CTNNA2: variants seen among roughly 807,000 people sequenced by gnomAD.
The protein encoded by CTNNA2 is catenin alpha 2.
A neutral mutation model predicts 101.0 loss-of-function variants in CTNNA2; 42 were observed. The ratio of observed to expected loss-of-function variants is 0.42; its 90% confidence interval spans 0.32 to 0.54. The LOEUF is 0.54. CTNNA2 is among the 20% of genes least tolerant of loss of function. The pLI is 0.14. For synonymous variants in CTNNA2, 450 were observed against 456.4 expected (o/e 0.99, Z 0.18); for missense variants, 871 against 1,223.1 (o/e 0.71, Z 4.29).
chr2:79,511,190 C>A (rs1016501804), upstream of CTNNA2, among the ~76,000 whole-genome samples: 6 of 152,168 alleles, frequency 3.9e-5, no homozygotes, highest in Non-Finnish European at 8.8e-5. Flanking sequence ...CATTCAAATT[C>A]ATAGGTGTCT....
At chr2:79,847,172 A>G (rs902139159) in intron 3 of CTNNA2, among the ~76,000 whole-genome samples, 31 of 152,184 alleles carry the variant, frequency 2.0e-4, no homozygotes, top group Admixed American at 3.9e-4. Flanking sequence ...TCTACCCTAT[A>G]GAAGAGAAGA....
chr2:80,305,290 G>A, intron 7 of CTNNA2: 1 of 985,418 alleles, frequency 1.0e-6, no homozygotes, highest in South Asian at 4.7e-5. Context: ...AGCCATCCAA[G>A]TCCCGGTGGT....
intron 9 of CTNNA2, among the ~76,000 whole-genome samples, chr2:80,513,076 T>C (rs934540595): frequency 1.3e-5 from 2 of 152,214 alleles, no homozygotes; most frequent in Non-Finnish European, 2.9e-5. Flanking sequence ...CAAGTGCTCC[T>C]CTCTTGGTGT....
intron 8 of CTNNA2, among the ~76,000 whole-genome samples, chr2:80,395,216 C>T (rs1402837841): frequency 2.0e-5 from 3 of 152,158 alleles, no homozygotes; most frequent in Non-Finnish European, 2.9e-5. Flanking sequence ...TGTAAGATGG[C>T]AGTGGAAGGA....
At chr2:79,891,366 T>C (rs1684292931) in intron 6 of CTNNA2, among the ~76,000 whole-genome samples, 1 of 152,186 alleles carries the variant, frequency 6.6e-6, no homozygotes. Flanking sequence ...CTAATTAATT[T>C]GAATATATAT....
intron 3 of CTNNA2, among the ~76,000 whole-genome samples, chr2:79,352,214 A>G (rs1558641211): frequency 6.7e-6 from 1 of 148,750 alleles, no homozygotes; most frequent in East Asian, 2.0e-4. Flanking sequence ...TGCTTGTATA[A>G]TTTTTTTTTT....
At chr2:79,733,846 A>G (rs1467454727) in intron 2 of CTNNA2, among the ~76,000 whole-genome samples, 2 of 152,110 alleles carry the variant, frequency 1.3e-5, no homozygotes, top group Non-Finnish European at 2.9e-5. Context: ...GAAAATGTCA[A>G]ACCTCGTGTT....
chr2:79,368,229 A>G (rs898031011), intron 3 of CTNNA2, among the ~76,000 whole-genome samples: 1 of 152,218 alleles, frequency 6.6e-6, no homozygotes, highest in Non-Finnish European at 1.5e-5. Flanking sequence ...ACTCCTTTTG[A>G]CAAATCTTTC....
chr2:79,733,966 C>G (rs535199069), intron 2 of CTNNA2, among the ~76,000 whole-genome samples: 1 of 152,158 alleles, frequency 6.6e-6, no homozygotes, highest in African/African-American at 2.4e-5. Flanking sequence ...TATTTTGTGT[C>G]TATTGTGCTT....
At chr2:80,447,477 T>C (rs1373885602) in intron 9 of CTNNA2, among the ~76,000 whole-genome samples, 10 of 152,192 alleles carry the variant, frequency 6.6e-5, no homozygotes, top group Non-Finnish European at 1.5e-5. Context: ...TCTAGGCCTG[T>C]GTGTGAGCAG....
At position 80,393,449 on chromosome 2, in the gene CTNNA2, G is replaced by A. The variant is rs77092015; in HGVS notation, c.1137+158G>A. Among the ~76,000 whole-genome samples, 3,395 of 152,256 alleles carry A rather than the reference G, an allele frequency of 0.022. 74 individuals are homozygous for A. Among genetic ancestry groups the A allele is most frequent in the African/African-American group, 0.054 (2,247 of 41,544 alleles). ...AACCCCATTTTATCGGCAAGGTAGA[G>A]ATTGCTGGACAGAGACGAGCCAGTT... is the stretch of plus-strand genomic sequence containing the variant. On this transcript the variant is annotated intron_variant, in intron 8 of 18. Coordinates refer to ENST00000402739, the MANE Select transcript of CTNNA2 (RefSeq NM_001282597.3).
chr2:80,533,466 C>T (rs1023148747), intron 9 of CTNNA2, among the ~76,000 whole-genome samples: 3 of 152,134 alleles, frequency 2.0e-5, no homozygotes, highest in Non-Finnish European at 4.4e-5. Flanking sequence ...GTGGATATGG[C>T]CTTGACTCCA....
intron 2 of CTNNA2, among the ~76,000 whole-genome samples, chr2:79,234,569 G>A (rs560087354): frequency 6.6e-6 from 1 of 152,062 alleles, no homozygotes; most frequent in South Asian, 2.1e-4. Flanking sequence ...TTTTGAATTT[G>A]TATGTTCTCC....
chr2:79,526,732 T>C (rs1672427669), intron 1 of CTNNA2, among the ~76,000 whole-genome samples: 4 of 152,114 alleles, frequency 2.6e-5, no homozygotes, highest in Admixed American at 1.3e-4. Flanking sequence ...GGGGAAAGAA[T>C]AGTTATTTAA....
chr2:80,265,171 C>CA (rs1404124417), intron 7 of CTNNA2, among the ~76,000 whole-genome samples: 2 of 152,070 alleles, frequency 1.3e-5, no homozygotes. Context: ...GACAGGGTTT[C>CA]ACCATGTTGG....
At chr2:80,583,237 C>G (rs1695691941) in intron 14 of CTNNA2, among the ~76,000 whole-genome samples, 2 of 152,162 alleles carry the variant, frequency 1.3e-5, no homozygotes, top group African/African-American at 2.4e-5. Flanking sequence ...ATTAGACATT[C>G]AGTAAGTGCT....
chr2:80,467,416 A>G (rs1388487738), intron 9 of CTNNA2, among the ~76,000 whole-genome samples: 1 of 152,208 alleles, frequency 6.6e-6, no homozygotes, highest in East Asian at 1.9e-4. Flanking sequence ...CTAGGGGAAG[A>G]TACGTGGTTA....
At chr2:79,734,191 G>A (rs546237542) in intron 2 of CTNNA2, among the ~76,000 whole-genome samples, 5 of 152,066 alleles carry the variant, frequency 3.3e-5, no homozygotes, top group South Asian at 2.1e-4. Context: ...AAAATCCCTG[G>A]TTCTAAGCAA....
At chr2:79,761,634 A>G (rs1038466898) in intron 3 of CTNNA2, among the ~76,000 whole-genome samples, 1 of 152,218 alleles carries the variant, frequency 6.6e-6, no homozygotes, top group African/African-American at 2.4e-5. Flanking sequence ...ATTATATTAT[A>G]GTTCCCCGAT....
Sources: allele counts gnomAD v4.1 joint callset (sites outside exome capture counted in the v4.1 genomes callset), GRCh38; gene constraint gnomAD v4.1.1; transcripts MANE v1.5; gene names NCBI Gene and HGNC (gene_info 2026-07-23, HGNC 2026-07-21).